FRMD3: variants seen among roughly 807,000 people sequenced by gnomAD.
FRMD3 encodes the protein FERM domain containing 3, also known as FERM domain-containing protein 3.
Under a neutral mutation model 70.2 loss-of-function variants are expected in FRMD3, and 33 were observed. The ratio of observed to expected loss-of-function variants is 0.47; its 90% CI spans 0.36 to 0.63. FRMD3 has a LOEUF of 0.63. FRMD3 is among the 20% of genes least tolerant of loss of function. FRMD3 has a pLI of 0.00. For synonymous variants in FRMD3, 279 were observed against 255.9 expected (o/e 1.09, Z -0.86); for missense variants, 632 against 711.4 (o/e 0.89, Z 1.27).
At chr9:83,555,697 C>T in the FRMD3 span, among the ~76,000 whole-genome samples, 4 of 152,212 alleles carry the variant, frequency 2.6e-5, no homozygotes, top group African/African-American at 7.2e-5. Flanking sequence ...AGGAATCTAA[C>T]CTCCCACTTT....
In FRMD3 at chr9:83,424,534, C is replaced by A. The variant is rs12003254; in HGVS notation, c.148-34826G>T. On this transcript the variant is annotated intron_variant, in intron 1 of 13. Coordinates refer to ENST00000304195, the MANE Select transcript of FRMD3 (RefSeq NM_174938.6). ...GACACAATGGTATCTTAAAGAGAAA[C>A]AGGCATGTGCAAAAATTCAATGTGG... Among the ~76,000 whole-genome samples the A allele has an allele frequency of 2.0e-5, 3 of 152,120 alleles. No individual in the cohort carries two copies. The East Asian group carries it at 5.8e-4, about 29-fold the overall frequency.
At chr9:83,440,887 C>A (rs1391264228) in intron 1 of FRMD3, among the ~76,000 whole-genome samples, 2 of 151,980 alleles carry the variant, frequency 1.3e-5, no homozygotes, top group African/African-American at 4.8e-5. Flanking sequence ...GGGCTGCATT[C>A]TGGTTCTCCT....
At position 83,247,005 on chromosome 9, in the gene FRMD3, G is replaced by T; in HGVS notation, c.*913C>A. On this transcript the variant is annotated 3_prime_UTR_variant, in exon 14 of 14. Transcript: ENST00000304195. Reference sequence around the variant, plus strand: ...ATGTACATTGATATGCAACTGACTAGCACATCTGTTACCTTTTTTCCTTTA... The same window carrying T: ...ATGTACATTGATATGCAACTGACTATCACATCTGTTACCTTTTTTCCTTTA... The T allele has an allele frequency of 7.1e-6, 7 of 985,336 alleles. No individual in the cohort carries two copies. The highest frequency in any genetic ancestry group is 7.2e-6 in the Non-Finnish European group (6 of 829,926). 61.0% of individuals were successfully genotyped at this position (985,336 alleles called of 1,614,324 possible).
chr9:83,428,365 G>A (rs898435686), intron 1 of FRMD3, among the ~76,000 whole-genome samples: 22 of 151,222 alleles, frequency 1.5e-4, no homozygotes, highest in African/African-American at 4.9e-4. Context: ...ACAACAGAGC[G>A]AGACTCGGCC....
chr9:83,356,272 T>C (rs1250758374), intron 3 of FRMD3, among the ~76,000 whole-genome samples: 1 of 15,972 alleles, frequency 6.3e-5, no homozygotes, highest in African/African-American at 1.6e-4. Context: ...CTCAGCAGCA[T>C]TTTTTTTTTT....
intron 1 of FRMD3, among the ~76,000 whole-genome samples, chr9:83,486,642 G>A (rs1300634798): frequency 1.3e-5 from 2 of 152,066 alleles, no homozygotes; most frequent in African/African-American, 2.4e-5. Flanking sequence ...ACAAGCAATT[G>A]CAACAAAAAC....
Position 83,455,215 on chromosome 9 carries a change from C to T in FRMD3, c.148-65507G>A, listed in dbSNP as rs1827783932. The stretch of plus-strand genomic sequence containing the variant: ...TGAATTAATGTGTATTAGGTCTGTG[C>T]ACTTCTTTATACTTTTACTACATAG... On this transcript the variant is annotated intron_variant, in intron 1 of 13. Transcript: ENST00000304195. Among the ~76,000 whole-genome samples, 4 of 152,100 alleles carry T rather than the reference C, an allele frequency of 2.6e-5. No individual in the cohort carries two copies. The South Asian group carries it at 8.3e-4, about 32-fold the overall frequency.
rs1832090610 is a variant in FRMD3, at chr9:83,246,283, T to A, written c.*1635A>T. ...AAGCTCTATGCTCCATGGCATAAGT[T>A]CTAGACTCTTATCTTTCTCCCACAT... On this transcript the variant is annotated 3_prime_UTR_variant, in exon 14 of 14. Coordinates refer to ENST00000304195, the MANE Select transcript of FRMD3 (RefSeq NM_174938.6). 1 of 984,670 alleles carries A rather than the reference T, an allele frequency of 1.0e-6. No individual in the cohort carries two copies. The highest frequency in any genetic ancestry group is 1.2e-6 in the Non-Finnish European group (1 of 829,432). 61.0% of individuals were successfully genotyped at this position (984,670 alleles called of 1,614,324 possible).
intron 13 of FRMD3, among the ~76,000 whole-genome samples, chr9:83,264,538 G>A (rs977253200): frequency 1.3e-5 from 2 of 152,096 alleles, no homozygotes; most frequent in African/African-American, 2.4e-5. Flanking sequence ...TGATGATGGG[G>A]GAGGCTGAGC....
intron 13 of FRMD3, among the ~76,000 whole-genome samples, chr9:83,265,943 G>C (rs1201687469): frequency 6.6e-6 from 1 of 151,954 alleles, no homozygotes; most frequent in Non-Finnish European, 1.5e-5. Context: ...GCCAAAAAAC[G>C]AGCCATAACC....
chr9:83,503,448 C>T (rs1219690173), intron 1 of FRMD3, among the ~76,000 whole-genome samples: 3 of 152,182 alleles, frequency 2.0e-5, no homozygotes, highest in Non-Finnish European at 4.4e-5. Context: ...AGTTCTACAA[C>T]TGCAAAGAAC....
At chr9:83,274,787 A>C (rs1174758506) in intron 13 of FRMD3, among the ~76,000 whole-genome samples, 1 of 152,234 alleles carries the variant, frequency 6.6e-6, no homozygotes, top group African/African-American at 2.4e-5. Flanking sequence ...AGACTGTAGC[A>C]GGAGTTCAGG....
intron 1 of FRMD3, among the ~76,000 whole-genome samples, chr9:83,433,486 G>A (rs1038911142): frequency 7.2e-5 from 11 of 152,234 alleles, no homozygotes; most frequent in African/African-American, 2.4e-4. Flanking sequence ...TTTAATGGAA[G>A]ACAATTTTTC....
At chr9:83,412,863 C>T (rs1207377521) in intron 1 of FRMD3, among the ~76,000 whole-genome samples, 1 of 152,058 alleles carries the variant, frequency 6.6e-6, no homozygotes. Flanking sequence ...GGCATGGTGG[C>T]ACACACCTGT....
chr9:83,272,263 C>T (rs1833586632), intron 13 of FRMD3, among the ~76,000 whole-genome samples: 1 of 151,976 alleles, frequency 6.6e-6, no homozygotes, highest in South Asian at 2.1e-4. Context: ...GCCGCCACGC[C>T]TGACTGGTTT....
intron 12 of FRMD3, among the ~76,000 whole-genome samples, chr9:83,295,299 T>C (rs893978240): frequency 6.6e-6 from 1 of 152,160 alleles, no homozygotes; most frequent in African/African-American, 2.4e-5. Context: ...AAGATGCTTA[T>C]ATAGGCAGAC....
chr9:83,311,998 A>G (rs1032968034), intron 7 of FRMD3, 23 bp from the exon 8 acceptor site: 2 of 1,524,170 alleles, frequency 1.3e-6, no homozygotes, highest in African/African-American at 1.4e-5. Flanking sequence ...AAAAAGAAAA[A>G]AGAAAAATCT....
intron 12 of FRMD3, among the ~76,000 whole-genome samples, chr9:83,293,825 G>A (rs1174175907): frequency 6.6e-6 from 1 of 152,154 alleles, no homozygotes; most frequent in African/African-American, 2.4e-5. Context: ...TTACAACCCT[G>A]AGACTCTCCA....
the FRMD3 span, among the ~76,000 whole-genome samples, chr9:83,564,525 G>A: frequency 6.6e-6 from 1 of 152,168 alleles, no homozygotes; most frequent in Non-Finnish European, 1.5e-5. Flanking sequence ...AGAACAATAT[G>A]TGCATGTTTT....
Sources: gnomAD v4.1 joint callset for allele counts (sites outside exome capture counted in the v4.1 genomes callset) on GRCh38, gnomAD v4.1.1 for gene constraint, MANE v1.5 for transcripts, NCBI Gene and HGNC (gene_info 2026-07-23, HGNC 2026-07-21) for gene names.